MESD: variants seen among roughly 807,000 people sequenced by gnomAD.
The protein encoded by MESD is LRP chaperone MESD.
In MESD, 7 loss-of-function variants were observed where a neutral mutation model predicts 12.9. The observed-to-expected ratio is 0.54, with a 90% confidence interval of 0.31 to 1.02. The LOEUF is 1.02. MESD is among the 50% of genes least tolerant of loss of function. MESD has a pLI of 0.05. For missense variants in MESD, 342 were observed against 296.7 expected (o/e 1.15, Z -1.12); for synonymous variants, 126 against 115.6 (o/e 1.09, Z -0.58).
At chr15:80,984,772 CCAAAA>C (rs1437115612) in intron 1 of MESD, among the ~76,000 whole-genome samples, 1 of 151,800 alleles carries the variant, frequency 6.6e-6, no homozygotes, top group African/African-American at 2.4e-5. Flanking sequence ...AAACCTGTTA[CCAAAA>C]CAAAAAACAA....
At chr15:80,959,764 T>G (rs1160437134) in intron 3 of MESD, among the ~76,000 whole-genome samples, 2 of 151,668 alleles carry the variant, frequency 1.3e-5, no homozygotes, top group Admixed American at 1.3e-4. Flanking sequence ...AAAAGCAAAG[T>G]GGAAGAGAGA....
chr15:80,952,088 G>A, exon 4 of MESD: 1 of 438,320 alleles, frequency 2.3e-6, no homozygotes. Flanking sequence ...GCTGTCAGGA[G>A]GCTGTCACTT....
intron 1 of MESD, among the ~76,000 whole-genome samples, chr15:80,986,770 C>CCTT (rs1902745541): frequency 6.6e-6 from 1 of 152,184 alleles, no homozygotes; most frequent in African/African-American, 2.4e-5. Flanking sequence ...CTTTAGAGCT[C>CCTT]CTTCATTACT....
chr15:80,989,512 G>A (rs1246445951), intron 1 of MESD, 67 bp downstream of exon 1: 2 of 1,527,550 alleles, frequency 1.3e-6, no homozygotes, highest in African/African-American at 1.4e-5. Context: ...GACAGAACAG[G>A]TAAGGGGTCA....
intron 2 of MESD, among the ~76,000 whole-genome samples, chr15:80,981,476 AT>A (rs1902577480): frequency 6.6e-6 from 1 of 151,190 alleles, no homozygotes; most frequent in Non-Finnish European, 1.5e-5. Flanking sequence ...TAGATAAATA[AT>A]TTTAAAAGAA....
At chr15:80,957,639 A>G (rs1236893302) in intron 3 of MESD, among the ~76,000 whole-genome samples, 1 of 152,082 alleles carries the variant, frequency 6.6e-6, no homozygotes, top group Admixed American at 6.5e-5. Context: ...TGGCTCATGC[A>G]ATTACAGAGA....
At chr15:80,948,677 C>T in exon 5 of MESD, 4 of 1,309,104 alleles carry the variant, frequency 3.1e-6, no homozygotes, top group Non-Finnish European at 4.4e-6. Flanking sequence ...GGCCACAGTG[C>T]AGTGTGGCTA....
At chr15:80,955,406 C>T (rs1161587883) in intron 3 of MESD, among the ~76,000 whole-genome samples, 1 of 145,310 alleles carries the variant, frequency 6.9e-6, no homozygotes, top group Admixed American at 6.9e-5. Flanking sequence ...AGGAGAATGG[C>T]GTGAACCCAG....
downstream of MESD, chr15:80,975,662 A>T (rs1902392131): frequency 6.6e-6 from 1 of 152,216 alleles, no homozygotes; most frequent in African/African-American, 2.4e-5. Flanking sequence ...GGAAACCACC[A>T]GAAGTACAAA....
At chr15:80,954,659 G>T (rs988837007) in intron 3 of MESD, among the ~76,000 whole-genome samples, 3 of 152,106 alleles carry the variant, frequency 2.0e-5, no homozygotes, top group Non-Finnish European at 4.4e-5. Flanking sequence ...CCCAGGAACT[G>T]CCCTCCCTCA....
intron 1 of MESD, among the ~76,000 whole-genome samples, chr15:80,986,301 T>C (rs968511014): frequency 6.6e-6 from 1 of 152,158 alleles, no homozygotes; most frequent in Non-Finnish European, 1.5e-5. Context: ...GGTGAATGGA[T>C]ACAAAATTAC....
chr15:80,955,502 A>AAAAAAAAAAAAAAAAAAAAAAAAG (rs1483500188), intron 3 of MESD, among the ~76,000 whole-genome samples: 1 of 143,348 alleles, frequency 7.0e-6, no homozygotes, highest in African/African-American at 3.0e-5. Flanking sequence ...AAAAAAAAAA[A>AAAAAAAAAAAAAAAAAAAAAAAAG]AAAGAAATGC....
At chr15:80,969,025 C>A (rs1052855324) in intron 3 of MESD, among the ~76,000 whole-genome samples, 3 of 152,030 alleles carry the variant, frequency 2.0e-5, no homozygotes, top group Non-Finnish European at 4.4e-5. Flanking sequence ...CCTGTCTCTA[C>A]AAAAAATATT....
intron 3 of MESD, among the ~76,000 whole-genome samples, chr15:80,966,137 T>C (rs549563371): frequency 5.3e-5 from 8 of 152,284 alleles, no homozygotes; most frequent in Non-Finnish European, 7.4e-5. Context: ...TTTTGAAAGT[T>C]AGAAATAACC....
At chr15:80,962,414 C>A (rs1016243626) in intron 3 of MESD, among the ~76,000 whole-genome samples, 1 of 152,158 alleles carries the variant, frequency 6.6e-6, no homozygotes, top group Non-Finnish European at 1.5e-5. Context: ...ACGCCACTGT[C>A]AATATTAGAC....
chr15:80,959,945 G>A (rs1902056539), intron 3 of MESD, among the ~76,000 whole-genome samples: 1 of 152,202 alleles, frequency 6.6e-6, no homozygotes, highest in Non-Finnish European at 1.5e-5. Flanking sequence ...CATCATGGCT[G>A]ATTTTCAGCT....
In MESD at chr15:80,982,130, G is replaced by A. The variant is rs1555442592; in HGVS notation, c.266C>T (p.Ala89Val). 3.7e-6 allele frequency: 6 copies of A among 1,614,140 alleles called. No individual in the cohort carries two copies. Among genetic ancestry groups the A allele is most frequent in the Non-Finnish European group, 4.2e-6 (5 of 1,180,028 alleles). Reference protein sequence around the residue: ...GDLPEHKRPSAPVDFSKIDPS... With the variant: ...GDLPEHKRPSVPVDFSKIDPS... ...GTCTATCTTTGAGAAGTCGACAGGT[G>A]CTGAAGGTCTCTTGTGCTCTGGAAG... The change falls in exon 2 of 3, where the codon GCA (alanine) becomes GTA (valine). Residue 89 changes from alanine (A) to valine (V), a missense_variant. Ala to Val is a moderately conservative substitution (Grantham distance 64, BLOSUM62 0). Transcript: ENST00000261758.
chr15:80,971,571 G>C (rs541122362), downstream of MESD, among the ~76,000 whole-genome samples: 1 of 152,304 alleles, frequency 6.6e-6, no homozygotes, highest in African/African-American at 2.4e-5. Context: ...TGTCTTCACT[G>C]TATTCAGAGT....
chr15:80,988,054 T>G (rs976531741), intron 1 of MESD, among the ~76,000 whole-genome samples: 1 of 152,242 alleles, frequency 6.6e-6, no homozygotes, highest in Non-Finnish European at 1.5e-5. Flanking sequence ...CTGCAGTTTC[T>G]AGCTTAATCC....
Sources: allele counts gnomAD v4.1 joint callset (sites outside exome capture counted in the v4.1 genomes callset), GRCh38; gene constraint gnomAD v4.1.1; transcripts MANE v1.5; gene names NCBI Gene and HGNC (gene_info 2026-07-23, HGNC 2026-07-21).